Variants in COPG1 observed in about 807,000 individuals in gnomAD.
The protein encoded by COPG1 is coat protein complex I subunit gamma 1.
COPG1 carries 29 observed loss-of-function variants against 102.8 expected under a neutral mutation model. That is an observed-to-expected ratio of 0.28 (90% CI 0.21 to 0.38). The LOEUF (loss-of-function observed/expected upper bound fraction) is 0.38, where lower values mean the gene tolerates loss of function less well. COPG1 is among the 10% of genes least tolerant of loss of function. The probability of loss-of-function intolerance (pLI) is 1.00; values close to 1 mark genes in which losing one functional copy is unlikely to be tolerated. For synonymous variants in COPG1, 406 were observed against 421.6 expected, an observed-to-expected ratio of 0.96 and a Z score of 0.45; for missense variants, 875 against 1,132.7, an observed-to-expected ratio of 0.77 and a Z score of 3.27.
chr3:129,275,021 A>G lies in COPG1; in HGVS notation c.2395+45A>G. ...ATCTCTGGCCTAATTACTGTTCAAG[A>G]TCTTTGGCTACTATTGAAGTGCTCA... On this transcript the variant is annotated intron_variant, in intron 22 of 23. Transcript: ENST00000314797. This position sits in a 1 kb window ranked among gnomAD's most constrained non-coding sequence, Gnocchi z 5.0. 1.9e-6 allele frequency: 3 copies of G among 1,605,594 alleles called. No individual in the cohort carries two copies. Among genetic ancestry groups the G allele is most frequent in the Non-Finnish European group, 2.6e-6 (3 of 1,173,080 alleles).
chr3:129,273,893 G>A (rs976907826), intron 21 of COPG1, among the ~76,000 whole-genome samples: 1 of 152,150 alleles, frequency 6.6e-6, no homozygotes, highest in African/African-American at 2.4e-5. Flanking sequence ...TCTTAGCTCG[G>A]TGGAACTAAG....
chr3:129,250,629 G>A, intron 1 of COPG1, 53 bp from the exon 2 acceptor site: 2 of 1,415,828 alleles, frequency 1.4e-6, no homozygotes, highest in East Asian at 2.3e-5. Flanking sequence ...ATGTCTGGGA[G>A]AGTTTTGAAG....
At position 129,254,623 on chromosome 3, in the gene COPG1, C is replaced by T. The variant is rs370947387; in HGVS notation, c.324-45C>T. The T allele has an allele frequency of 4.1e-5, 61 of 1,502,950 alleles. No homozygotes were observed. The African/African-American group carries it at 7.8e-4, about 19-fold the overall frequency. The allele number at this position is 1,502,950 out of a possible 1,614,324, so 93.1% of individuals were successfully genotyped here. ...GTGTTGGGAGCTGGAGAGGAGTAAA[C>T]AGGCCCAGGCTCTCTGCATGCTGAC... On this transcript the variant is annotated intron_variant, in intron 5 of 23. Transcript: ENST00000314797.
In COPG1 at chr3:129,257,556, C is replaced by G; in HGVS notation, c.666C>G (p.Gly222=). ...NKMISKVTRH[G]LKSPFAYCMM... is the part of the protein sequence containing the mutation. ...TGATCAGCAAGGTCACACGGCATGGCCTTAAGTCTCCCTTTGCCTACTGCA... is the reference window on the plus strand; with the variant it reads ...TGATCAGCAAGGTCACACGGCATGGGCTTAAGTCTCCCTTTGCCTACTGCA... Residue 222 remains glycine, a synonymous_variant, in exon 9 of 24, where the codon GGC becomes GGG. Transcript: ENST00000314797. The G allele has an allele frequency of 6.2e-7, 1 of 1,614,230 alleles. No homozygotes were observed. The highest frequency in any genetic ancestry group is 2.2e-5 in the East Asian group (1 of 44,884).
chr3:129,262,715 C>G (rs1459847873), intron 12 of COPG1, among the ~76,000 whole-genome samples: 2 of 139,310 alleles, frequency 1.4e-5, no homozygotes, highest in African/African-American at 2.9e-5. Flanking sequence ...AGAGTGAGAC[C>G]TTGTCTGAAA....
At chr3:129,254,776 C>T in intron 6 of COPG1, 33 bp downstream of exon 6, 1 of 1,588,536 alleles carries the variant, frequency 6.3e-7, no homozygotes, top group Non-Finnish European at 8.6e-7. Context: ...TGCTTCCTGG[C>T]CTCTTGATTG....
Position 129,252,381 on chromosome 3 carries a change from G to A in COPG1, c.171+20G>A, listed in dbSNP as rs368150983. On this transcript the variant is annotated intron_variant, in intron 3 of 23. Coordinates refer to ENST00000314797, the MANE Select transcript of COPG1 (RefSeq NM_016128.4). Reference sequence around the variant, plus strand: ...AACCAGGTAACAGGGTGAAGCTTGCGGGTAGGGAGAATGGTGCTGGGGGAT... The same window carrying A: ...AACCAGGTAACAGGGTGAAGCTTGCAGGTAGGGAGAATGGTGCTGGGGGAT... 5.2e-5 allele frequency: 81 copies of A among 1,550,076 alleles called. 1 individual carries two copies. The highest frequency in any genetic ancestry group is 3.5e-4 in the South Asian group (31 of 89,700).
intron 14 of COPG1, among the ~76,000 whole-genome samples, 187 bp from the exon 15 acceptor site, chr3:129,266,837 G>C (rs1364596980): frequency 6.6e-6 from 1 of 152,124 alleles, no homozygotes; most frequent in Admixed American, 6.6e-5. Context: ...AGGAAGTTGA[G>C]GCCTGGGATG....
Position 129,272,372 on chromosome 3 carries a change from C to T in COPG1, c.2115C>T (p.Thr705=). The T allele has an allele frequency of 1.9e-6, 3 of 1,614,114 alleles. No individual in the cohort carries two copies. ...GCCTGCCCTACAACCAGCCCGGGAC[C>T]TGCTACACACTGGTGGCACTGCCCA... The part of the protein sequence containing the change: ...ARSLPYNQPG[T]CYTLVALPKE... The change falls in exon 20 of 24, where the codon ACC becomes ACT. Residue 705 remains threonine (T), a synonymous_variant. Coordinates refer to ENST00000314797, the MANE Select transcript of COPG1 (RefSeq NM_016128.4).
chr3:129,263,857 C>G (rs777888072), intron 12 of COPG1, 47 bp from the exon 13 acceptor site: 6 of 1,540,250 alleles, frequency 3.9e-6, no homozygotes, highest in Non-Finnish European at 4.5e-6. Context: ...TGAGTCACCC[C>G]ATCTTGGTGG....
chr3:129,266,057 C>T (rs1288280521), intron 14 of COPG1, among the ~76,000 whole-genome samples: 3 of 152,028 alleles, frequency 2.0e-5, no homozygotes, highest in Non-Finnish European at 2.9e-5. Flanking sequence ...CTGCAACCTC[C>T]GCCTCCCGGG....
chr3:129,260,924 T>C (rs987053938), intron 12 of COPG1, 117 bp downstream of exon 12: 24 of 1,056,494 alleles, frequency 2.3e-5, no homozygotes, highest in Non-Finnish European at 3.3e-5. Flanking sequence ...CCTTGAGGAC[T>C]CAGAGGAGGC....
rs1939924729 is a variant in COPG1, at chr3:129,261,517, G to C, written c.1128+710G>C. Among the ~76,000 whole-genome samples the C allele has an allele frequency of 3.9e-5, 6 of 152,112 alleles. No individual in the cohort carries two copies. In the South Asian group the frequency reaches 1.2e-3, roughly 31 times the overall value. ...AAGACATTGGAAAGGTGTTCTTTTGGGGCAGGAGGAAGGATGTGAATATTT... is the reference window on the plus strand; with the variant it reads ...AAGACATTGGAAAGGTGTTCTTTTGCGGCAGGAGGAAGGATGTGAATATTT... On this transcript the variant is annotated intron_variant, in intron 12 of 23. Transcript: ENST00000314797.
intron 10 of COPG1, among the ~76,000 whole-genome samples, chr3:129,258,186 A>C (rs1238495551): frequency 2.0e-5 from 3 of 152,196 alleles, no homozygotes; most frequent in Non-Finnish European, 4.4e-5. Context: ...GTGGGGCTGC[A>C]CTTTTCCAGG....
intron 10 of COPG1, among the ~76,000 whole-genome samples, chr3:129,259,741 G>A (rs1939888810): frequency 6.6e-6 from 1 of 152,186 alleles, no homozygotes; most frequent in East Asian, 1.9e-4. Flanking sequence ...GGCAGCCAGG[G>A]CAAGGGAGGG....
rs1174785778 is a variant in COPG1, at chr3:129,252,308, A to G, written c.118A>G (p.Asn40Asp). Reference sequence around the variant, plus strand: ...CCGTGTATTTAATGAAACTCCCATCAACCCTCGGAAATGTGCCCACATCCT... The same window carrying G: ...CCGTGTATTTAATGAAACTCCCATCGACCCTCGGAAATGTGCCCACATCCT... ...EARVFNETPINPRKCAHILTK... is the reference protein window; with the variant it reads ...EARVFNETPIDPRKCAHILTK... Residue 40 changes from asparagine (N) to aspartate (D), a missense_variant, in exon 3 of 24, where the codon AAC (asparagine) becomes GAC (aspartate). Asn to Asp is a conservative substitution (Grantham distance 23). Transcript: ENST00000314797. 1.2e-6 allele frequency: 2 copies of G among 1,613,078 alleles called. No individual in the cohort carries two copies. Among genetic ancestry groups the G allele is most frequent in the South Asian group, 2.2e-5 (2 of 91,052 alleles).
Position 129,275,186 on chromosome 3 carries a change from C to T in COPG1, c.2396-8C>T. 6.2e-7 allele frequency: 1 copy of T among 1,612,274 alleles called. No individual in the cohort carries two copies. The highest frequency in any genetic ancestry group is 1.3e-5 in the African/African-American group (1 of 74,994). ...ATGGCTTAACAATATTGGGATTTCT[C>T]ATTACAGAGGCTGTGGGTAATATTG... is the stretch of plus-strand genomic sequence containing the variant. On this transcript the variant is annotated splice_region_variant and splice_polypyrimidine_tract_variant and intron_variant, in intron 22 of 23. Transcript: ENST00000314797. This position sits in a 1 kb window ranked among gnomAD's most constrained non-coding sequence, Gnocchi z 5.0.
intron 2 of COPG1, 63 bp from the exon 3 acceptor site, chr3:129,252,218 T>C: frequency 8.5e-7 from 1 of 1,172,356 alleles, no homozygotes; most frequent in Admixed American, 1.7e-5. Context: ...TCTCAGACAT[T>C]GAATATACTT....
intron 10 of COPG1, among the ~76,000 whole-genome samples, chr3:129,259,697 A>G (rs550483917): frequency 1.3e-5 from 2 of 152,302 alleles, no homozygotes; most frequent in South Asian, 2.1e-4. Context: ...CTTCGCTCCT[A>G]TGATTGAGTG....
Sources: allele counts gnomAD v4.1 joint callset (sites outside exome capture counted in the v4.1 genomes callset), GRCh38; gene constraint gnomAD v4.1.1; non-coding constraint Gnocchi (gnomAD v3.1); transcripts MANE v1.5; gene names NCBI Gene and HGNC (gene_info 2026-07-23, HGNC 2026-07-21).